EPX: variants seen among roughly 807,000 people sequenced by gnomAD.
The protein encoded by EPX is eosinophil peroxidase.
A neutral mutation model predicts 73.0 loss-of-function variants in EPX; 60 were observed. The observed-to-expected ratio is 0.82, with a 90% CI of 0.67 to 1.02. The LOEUF (loss-of-function observed/expected upper bound fraction) is 1.02, where lower values mean the gene tolerates loss of function less well. EPX is among the 50% of genes least tolerant of loss of function. The pLI is 0.00. For missense variants in EPX, 950 were observed against 973.9 expected, an observed-to-expected ratio of 0.98 and a Z score of 0.33; for synonymous variants, 347 against 389.2, an observed-to-expected ratio of 0.89 and a Z score of 1.28.
chr17:58,204,525 C>A, intron 12 of EPX, 91 bp downstream of exon 12: 1 of 757,838 alleles, frequency 1.3e-6, no homozygotes, highest in Non-Finnish European at 2.3e-6. Context: ...GGTCTCTAAG[C>A]AGAGAAAACA....
intron 5 of EPX, 114 bp downstream of exon 5, chr17:58,194,206 G>T: frequency 9.3e-7 from 1 of 1,078,778 alleles, no homozygotes; most frequent in Non-Finnish European, 1.4e-6. Context: ...ACTGACCAGT[G>T]CAGTGACTTG....
chr17:58,202,864 A>C lies in EPX; in HGVS notation c.1709-217A>C, dbSNP rs1281336602. The C allele has an allele frequency of 5.1e-6, 3 of 593,204 alleles. No individual in the cohort carries two copies. In the African/African-American group the frequency reaches 5.6e-5, roughly 11 times the overall value. The allele number at this position is 593,204 out of a possible 1,614,324, so 36.7% of individuals were successfully genotyped here. On this transcript the variant is annotated intron_variant, in intron 10 of 12. Transcript: ENST00000225371. ...CTTTTTAGGTTAGGACACACTCCTC[A>C]GTCTGATGCACACTGAGCACAGTTG...
chr17:58,193,235 C>T, intron 2 of EPX, 104 bp downstream of exon 2: 1 of 1,227,372 alleles, frequency 8.1e-7, no homozygotes, highest in Non-Finnish European at 1.2e-6. Flanking sequence ...ACCCCATGAA[C>T]ATTTCCTGTT....
At position 58,193,138 on chromosome 17, in the gene EPX, TTGGGTCTGGGGGCTGCA is replaced by T; in HGVS notation, c.170+12_170+28del. 6.3e-7 allele frequency: 1 copy of T among 1,594,860 alleles called. No individual in the cohort carries two copies. Among genetic ancestry groups the T allele is most frequent in the Non-Finnish European group, 8.6e-7 (1 of 1,163,030 alleles). ...ACAATTGGACCCAGAAGAGGTGGAC[TTGGGTCTGGGGGCTGCA>T]TGGGCCTGGGAGGATCAGTGAGGGG... On this transcript the variant is annotated splice_region_variant and intron_variant, in intron 2 of 12. Transcript: ENST00000225371.
chr17:58,196,954 C>T lies in EPX; in HGVS notation c.817C>T (p.Pro273Ser). ...TCCATCTCAGATCCCACCCAATGAC[C>T]CCCGCATCAAGAACCAGCGTGACTG... is the stretch of plus-strand genomic sequence containing the variant. ...CFPIKIPPND[P>S]RIKNQRDCIP... The change falls in exon 7 of 13, where the codon CCC becomes TCC. Residue 273 changes from proline to serine, a missense_variant. Pro to Ser is a moderately conservative substitution (Grantham distance 74, BLOSUM62 -1). Coordinates refer to ENST00000225371, the MANE Select transcript of EPX (RefSeq NM_000502.6). The T allele has an allele frequency of 6.2e-7, 1 of 1,613,684 alleles. No individual in the cohort carries two copies. The highest frequency in any genetic ancestry group is 8.5e-7 in the Non-Finnish European group (1 of 1,179,800).
chr17:58,194,353 C>A (rs1968225090), intron 5 of EPX, among the ~76,000 whole-genome samples: 1 of 152,182 alleles, frequency 6.6e-6, no homozygotes, highest in Non-Finnish European at 1.5e-5. Flanking sequence ...TCATGCTAAC[C>A]ATTACGGTGT....
chr17:58,199,223 A>C lies in EPX; in HGVS notation c.1281+23A>C, dbSNP rs369068211. 5.6e-5 allele frequency: 90 copies of C among 1,611,188 alleles called. No homozygotes were observed. In the African/African-American group the frequency reaches 9.3e-4, roughly 17 times the overall value. On this transcript the variant is annotated intron_variant, in intron 8 of 12. Transcript: ENST00000225371. Reference sequence around the variant, plus strand: ...CAGGTAAGGAGCTCTGCATCCCAGCATCCCCCAGATGACAAGCTTGGCATG... The same window carrying C: ...CAGGTAAGGAGCTCTGCATCCCAGCCTCCCCCAGATGACAAGCTTGGCATG...
rs765895580 is a variant in EPX at position 58,200,348 on chromosome 17, AC to A, written c.1663del (p.Leu555TrpfsTer39). The stretch of plus-strand genomic sequence containing the variant: ...CGGCAAGTGAGGAGGATTGGGCTGG[AC>A]CTGGCAGCTCTCAACATGCAACGAA... ...LFRQVRRIGL[D>X]LAALNMQRSR... On this transcript the variant is annotated frameshift_variant, in exon 10 of 13. Transcript: ENST00000225371. LOFTEE classifies it high-confidence loss of function. 1 of 1,614,158 alleles carries A rather than the reference AC, an allele frequency of 6.2e-7. No homozygotes were observed. Among genetic ancestry groups the A allele is most frequent in the Admixed American group, 1.7e-5 (1 of 60,026 alleles).
chr17:58,203,166 G>T lies in EPX; in HGVS notation c.1794G>T (p.Leu598Phe). ...QLSRVLKNQD[L>F]ARKFLNLYGT... ...GCCGGGTGCTGAAAAACCAGGACTTGGCAAGGAAGTTCCTGAATTTGTATG... is the reference window on the plus strand; with the variant it reads ...GCCGGGTGCTGAAAAACCAGGACTTTGCAAGGAAGTTCCTGAATTTGTATG... The change falls in exon 11 of 13, where the codon TTG (leucine) becomes TTT (phenylalanine). Residue 598 changes from leucine to phenylalanine, a missense_variant. By Grantham distance (22) the Leu-to-Phe change is conservative. Coordinates refer to ENST00000225371, the MANE Select transcript of EPX (RefSeq NM_000502.6). 6.2e-7 allele frequency: 1 copy of T among 1,614,186 alleles called. No homozygotes were observed. Among genetic ancestry groups the T allele is most frequent in the Non-Finnish European group, 8.5e-7 (1 of 1,180,028 alleles).
chr17:58,197,061 T>C lies in EPX; in HGVS notation c.924T>C (p.Phe308=). The C allele has an allele frequency of 6.2e-7, 1 of 1,614,186 alleles. No homozygotes were observed. The highest frequency in any genetic ancestry group is 8.5e-7 in the Non-Finnish European group (1 of 1,180,024). The change falls in exon 7 of 13, where the codon TTT becomes TTC. Residue 308 remains phenylalanine (F), a synonymous_variant. Coordinates refer to ENST00000225371, the MANE Select transcript of EPX (RefSeq NM_000502.6). ...VRNQINALTS[F]VDASMVYGSE... Reference sequence around the variant, plus strand: ...ACCAGATCAACGCGCTCACCTCCTTTGTGGACGCCAGCATGGTGTATGGCA... The same window carrying C: ...ACCAGATCAACGCGCTCACCTCCTTCGTGGACGCCAGCATGGTGTATGGCA...
Position 58,193,026 on chromosome 17 carries a change from C to T in EPX, c.77-12C>T, listed in dbSNP as rs369705635. On this transcript the variant is annotated splice_polypyrimidine_tract_variant and intron_variant, in intron 1 of 12. Coordinates refer to ENST00000225371, the MANE Select transcript of EPX (RefSeq NM_000502.6). ...GGCTTGCTGAACCCTGAGTCCCCAT[C>T]TCTTTGAACAGCCTCCCCTGGGGCA... 6.2e-7 allele frequency: 1 copy of T among 1,606,486 alleles called. No homozygotes were observed. The highest frequency in any genetic ancestry group is 8.5e-7 in the Non-Finnish European group (1 of 1,173,008).
chr17:58,197,405 A>G, intron 7 of EPX, 148 bp downstream of exon 7: 1 of 963,358 alleles, frequency 1.0e-6, no homozygotes, highest in Non-Finnish European at 1.6e-6. Flanking sequence ...CACAGCCATC[A>G]TAGAATCAGA....
rs772897045 is a variant in EPX at position 58,200,416 on chromosome 17, T to G, written c.1708+21T>G. ...TCCAGGTGAGGGGGCTGTCCACCTC[T>G]TCTCCCAGCTTTGCTCGGGCCAGGC... On this transcript the variant is annotated intron_variant, in intron 10 of 12. Coordinates refer to ENST00000225371, the MANE Select transcript of EPX (RefSeq NM_000502.6). 12 of 1,612,390 alleles carry G rather than the reference T, an allele frequency of 7.4e-6. No individual in the cohort carries two copies. The Admixed American group carries it at 1.0e-4, about 13-fold the overall frequency.
At chr17:58,203,550 C>A (rs1286256623) in intron 11 of EPX, among the ~76,000 whole-genome samples, 1 of 152,162 alleles carries the variant, frequency 6.6e-6, no homozygotes, top group East Asian at 1.9e-4. Flanking sequence ...CCAGAGGTTG[C>A]CTGGCAGCCT....
Position 58,195,111 on chromosome 17 carries a change from A to G in EPX, c.742A>G (p.Thr248Ala), listed in dbSNP as rs775657051. The G allele has an allele frequency of 7.4e-6, 12 of 1,613,926 alleles. 1 individual carries two copies. In the African/African-American group the frequency reaches 9.4e-5, roughly 13 times the overall value. Residue 248 changes from threonine (T) to alanine (A), a missense_variant, in exon 6 of 13, where the codon ACT becomes GCT. Thr to Ala is a moderately conservative substitution (Grantham distance 58). Transcript: ENST00000225371. ...SPESPARVAF[T>A]AGVDCERTCA... ...GGAGTCCCCGGCCAGAGTGGCCTTC[A>G]CTGCAGGCGTTGACTGTGAGAGGAC... is the stretch of plus-strand genomic sequence containing the variant.
intron 2 of EPX, 85 bp from the exon 3 acceptor site, chr17:58,193,286 C>T (rs760953350): frequency 2.2e-5 from 31 of 1,418,904 alleles, no homozygotes; most frequent in Admixed American, 6.7e-5. Context: ...TCCGCTTGCC[C>T]TGTCCTGACT....
At chr17:58,202,206 T>C (rs1395561902) in intron 10 of EPX, 1 of 152,272 alleles carries the variant, frequency 6.6e-6, no homozygotes, top group Non-Finnish European at 1.5e-5. Context: ...CGCTGGGGGA[T>C]GGTGTGTGTG....
chr17:58,200,700 A>C (rs1273956940), intron 10 of EPX, among the ~76,000 whole-genome samples: 1 of 152,228 alleles, frequency 6.6e-6, no homozygotes, highest in Non-Finnish European at 1.5e-5. Flanking sequence ...AATAGGCTTA[A>C]AAGGCAGGGA....
chr17:58,202,988 G>A, intron 10 of EPX, 93 bp from the exon 11 acceptor site: 1 of 919,984 alleles, frequency 1.1e-6, no homozygotes, highest in Non-Finnish European at 1.8e-6. Context: ...AATATTGACT[G>A]GCCACAGCTT....
Sources: gnomAD v4.1 joint callset for allele counts (sites outside exome capture counted in the v4.1 genomes callset) on GRCh38, gnomAD v4.1.1 for gene constraint, MANE v1.5 for transcripts, NCBI Gene and HGNC (gene_info 2026-07-23, HGNC 2026-07-21) for gene names.